The following LINGO2 variants were observed in gnomAD, a reference collection of about 807,000 sequenced individuals.
LINGO2 encodes the protein leucine-rich repeat and immunoglobulin-like domain-containing nogo receptor-interacting protein 2.
Under a neutral mutation model 30.6 loss-of-function variants are expected in LINGO2, and 14 were observed. The ratio of observed to expected loss-of-function variants is 0.46; its 90% CI spans 0.30 to 0.72. The LOEUF is 0.72. LINGO2 is among the 30% of genes least tolerant of loss of function. The pLI, the probability that LINGO2 is intolerant of heterozygous loss-of-function variation, is 0.07. For missense variants in LINGO2, 729 were observed against 751.7 expected (o/e 0.97, Z 0.35); for synonymous variants, 317 against 288.5 (o/e 1.10, Z -1.00).
rs148563623 is a variant in LINGO2 at position 27,949,812 on chromosome 9, G to A, written c.860C>T (p.Thr287Ile). 5.6e-6 allele frequency: 9 copies of A among 1,614,136 alleles called. No individual in the cohort carries two copies. In the East Asian group the frequency reaches 1.3e-4, roughly 24 times the overall value. Residue 287 changes from threonine to isoleucine, a missense_variant, in exon 6 of 6, where the codon ACT (threonine) becomes ATT (isoleucine). Physicochemically the swap from Thr to Ile is moderately conservative, Grantham distance 89. Transcript: ENST00000379992. The stretch of plus-strand genomic sequence containing the variant: ...GTCAGAGAACATGCCTGCTTCAATA[G>A]TGCTGATGGGATTGTAGGAGAGGTT...
intron 4 of LINGO2, among the ~76,000 whole-genome samples, chr9:28,139,232 C>T (rs889312627): frequency 6.7e-6 from 1 of 149,588 alleles, no homozygotes; most frequent in Non-Finnish European, 1.5e-5. Context: ...AGAGACATAA[C>T]CCTGGCCATT....
intron 4 of LINGO2, among the ~76,000 whole-genome samples, chr9:28,237,783 G>A (rs186289923): frequency 1.1e-3 from 164 of 152,228 alleles, no homozygotes; most frequent in Non-Finnish European, 1.6e-3. Context: ...GAACCTAGGA[G>A]GTGGAGGTTG....
the LINGO2 span, among the ~76,000 whole-genome samples, chr9:28,740,586 T>G: frequency 6.6e-6 from 1 of 151,934 alleles, no homozygotes; most frequent in Non-Finnish European, 1.5e-5. Flanking sequence ...AAATCTTTTT[T>G]AATTTCTGTT....
chr9:28,359,124 T>C (rs954019467), intron 3 of LINGO2, among the ~76,000 whole-genome samples: 1 of 152,144 alleles, frequency 6.6e-6, no homozygotes, highest in Admixed American at 6.5e-5. Context: ...AAGAATCGAC[T>C]GCAAAGAGGA....
At chr9:28,063,437 T>TTC (rs1825217885) in intron 4 of LINGO2, among the ~76,000 whole-genome samples, 1 of 150,772 alleles carries the variant, frequency 6.6e-6, no homozygotes, top group Non-Finnish European at 1.5e-5. Flanking sequence ...TTATCCACAT[T>TTC]TTTTTTTTTA....
intron 3 of LINGO2, among the ~76,000 whole-genome samples, chr9:28,347,608 C>T (rs1453657627): frequency 6.6e-6 from 1 of 152,152 alleles, no homozygotes; most frequent in Non-Finnish European, 1.5e-5. Flanking sequence ...ATTGAATGTG[C>T]AGTCCAATGC....
chr9:28,778,274 G>T, the LINGO2 span, among the ~76,000 whole-genome samples: 1 of 152,012 alleles, frequency 6.6e-6, no homozygotes, highest in Non-Finnish European at 1.5e-5. Context: ...TAAGATTTGG[G>T]TAAGACCTTC....
intron 2 of LINGO2, among the ~76,000 whole-genome samples, chr9:28,468,221 A>G (rs1468405151): frequency 6.6e-6 from 1 of 152,126 alleles, no homozygotes; most frequent in African/African-American, 2.4e-5. Context: ...CCTTTGCCCC[A>G]TTCTTTATCC....
At chr9:28,371,195 C>G (rs1820881382) in intron 3 of LINGO2, among the ~76,000 whole-genome samples, 1 of 152,104 alleles carries the variant, frequency 6.6e-6, no homozygotes, top group Non-Finnish European at 1.5e-5. Flanking sequence ...TAAGTTTTAC[C>G]ATTTATCTAT....
At chr9:28,995,205 T>C in the LINGO2 span, among the ~76,000 whole-genome samples, 3 of 152,082 alleles carry the variant, frequency 2.0e-5, no homozygotes, top group East Asian at 1.9e-4. Flanking sequence ...AAAATCTGGG[T>C]GAAGGACATG....
chr9:28,061,966 G>C (rs967917221), intron 4 of LINGO2, among the ~76,000 whole-genome samples: 1 of 152,064 alleles, frequency 6.6e-6, no homozygotes, highest in African/African-American at 2.4e-5. Flanking sequence ...TACCAATAAT[G>C]ATGAAATATA....
At chr9:29,163,015 T>C in the LINGO2 span, among the ~76,000 whole-genome samples, 1 of 152,222 alleles carries the variant, frequency 6.6e-6, no homozygotes, top group African/African-American at 2.4e-5. Context: ...GACTGAACAT[T>C]ACATATTATC....
At chr9:27,999,435 TCAGA>T (rs1330780506) in intron 5 of LINGO2, among the ~76,000 whole-genome samples, 17 of 103,010 alleles carry the variant, frequency 1.7e-4, no homozygotes, top group African/African-American at 3.8e-4. Context: ...TGCCTAATCT[TCAGA>T]GAGAGAGAGA....
chr9:28,667,969 G>C (rs1828866223), intron 1 of LINGO2, among the ~76,000 whole-genome samples: 1 of 152,030 alleles, frequency 6.6e-6, no homozygotes, highest in African/African-American at 2.4e-5. Context: ...CATCACACTG[G>C]TGACACCTTC....
intron 1 of LINGO2, among the ~76,000 whole-genome samples, chr9:28,598,418 C>CAAAAAAAAAAA (rs766825127): frequency 1.8e-5 from 2 of 109,092 alleles, no homozygotes; most frequent in Non-Finnish European, 3.7e-5. Context: ...TTCTCCATAT[C>CAAAAAAAAAAA]AAAAAAAAAA....
At chr9:28,574,559 G>A (rs1034177368) in intron 1 of LINGO2, among the ~76,000 whole-genome samples, 1 of 152,116 alleles carries the variant, frequency 6.6e-6, no homozygotes, top group Admixed American at 6.5e-5. Flanking sequence ...ATGGTGCAGG[G>A]GAGAACTGGA....
At chr9:28,624,860 A>C (rs1826588126) in intron 1 of LINGO2, among the ~76,000 whole-genome samples, 1 of 151,254 alleles carries the variant, frequency 6.6e-6, no homozygotes, top group Admixed American at 6.6e-5. Context: ...TGTAAGACAA[A>C]GCATTCTTTA....
At chr9:27,983,193 A>G (rs1162417573) in intron 5 of LINGO2, among the ~76,000 whole-genome samples, 1 of 151,940 alleles carries the variant, frequency 6.6e-6, no homozygotes, top group East Asian at 1.9e-4. Context: ...AAGTTATGTG[A>G]AATGCATGCA....
At chr9:28,760,997 TCCACTCA>T in the LINGO2 span, among the ~76,000 whole-genome samples, 2 of 140,726 alleles carry the variant, frequency 1.4e-5, no homozygotes, top group Admixed American at 7.2e-5. Context: ...AGTTTCCTTA[TCCACTCA>T]CTGATTGATG....
Sources: allele counts gnomAD v4.1 joint callset (sites outside exome capture counted in the v4.1 genomes callset), GRCh38; gene constraint gnomAD v4.1.1; transcripts MANE v1.5; gene names NCBI Gene and HGNC (gene_info 2026-07-23, HGNC 2026-07-21).